SDK1: variants seen among roughly 807,000 people sequenced by gnomAD.
The protein encoded by SDK1 is sidekick cell adhesion molecule 1.
In SDK1, 157 loss-of-function variants were observed where a neutral mutation model predicts 245.5. That is an observed-to-expected ratio of 0.64 (90% CI 0.56 to 0.73). SDK1 has a LOEUF of 0.73. Ranked by LOEUF, SDK1 falls within the 30% of genes least tolerant of loss-of-function variation. The pLI is 0.00. For missense variants in SDK1, 3,583 were observed against 3,002.3 expected (o/e 1.19, Z -4.52); for synonymous variants, 1,647 against 1,278.5 (o/e 1.29, Z -6.15).
intron 32 of SDK1, among the ~76,000 whole-genome samples, chr7:4,164,726 G>C (rs1222036396): frequency 6.6e-6 from 1 of 152,200 alleles, no homozygotes; most frequent in Non-Finnish European, 1.5e-5. Context: ...CCAGTGGACG[G>C]TGCAGGGCTC....
At chr7:3,576,895 T>C (rs1194076519) in intron 1 of SDK1, among the ~76,000 whole-genome samples, 2 of 152,046 alleles carry the variant, frequency 1.3e-5, no homozygotes, top group Non-Finnish European at 2.9e-5. Flanking sequence ...ACCTGCCCTT[T>C]AGAGTAGCAG....
chr7:3,549,633 GT>G (rs897607446), intron 1 of SDK1, among the ~76,000 whole-genome samples: 1 of 151,920 alleles, frequency 6.6e-6, no homozygotes, highest in African/African-American at 2.4e-5. Flanking sequence ...AGCATGTTTT[GT>G]TTTTTTTCCC....
chr7:3,964,437 T>C (rs1300517752), intron 9 of SDK1, among the ~76,000 whole-genome samples: 4 of 152,268 alleles, frequency 2.6e-5, no homozygotes, highest in Non-Finnish European at 4.4e-5. Context: ...AGATCACTCC[T>C]AATCTTTTTC....
intron 41 of SDK1, among the ~76,000 whole-genome samples, chr7:4,234,947 G>C (rs918297478): frequency 1.3e-5 from 2 of 152,210 alleles, no homozygotes; most frequent in African/African-American, 2.4e-5. Context: ...GGAAGAAGCT[G>C]TTCCTCTCCT....
intron 4 of SDK1, among the ~76,000 whole-genome samples, chr7:3,771,089 C>G (rs916116992): frequency 6.6e-6 from 1 of 152,124 alleles, no homozygotes; most frequent in Admixed American, 6.6e-5. Context: ...CTCTGCTGAT[C>G]TGGACTGAGC....
intron 14 of SDK1, among the ~76,000 whole-genome samples, chr7:4,000,235 G>A (rs954544551): frequency 6.6e-6 from 1 of 152,230 alleles, no homozygotes; most frequent in African/African-American, 2.4e-5. Context: ...AGAGCATGCT[G>A]AGGCTGAGAT....
intron 5 of SDK1, among the ~76,000 whole-genome samples, chr7:3,824,778 A>AT (rs553187733): frequency 3.3e-5 from 5 of 151,878 alleles, no homozygotes; most frequent in South Asian, 2.1e-4. Context: ...TTAGATTTAA[A>AT]TTTTTTTTTA....
At chr7:4,126,131 C>T (rs80332778) in intron 25 of SDK1, among the ~76,000 whole-genome samples, 2,220 of 152,260 alleles carry the variant, frequency 0.015, 46 homozygotes, top group African/African-American at 0.051. Flanking sequence ...TGAAGTATGG[C>T]GGGATCTTCA....
At chr7:3,413,282 G>A (rs56138263) in intron 1 of SDK1, among the ~76,000 whole-genome samples, 15,142 of 152,180 alleles carry the variant, frequency 0.1, 952 homozygotes, top group African/African-American at 0.17. Flanking sequence ...ATGAGCAGAG[G>A]GGAGCAGGGC....
At chr7:3,425,423 A>G (rs1006970605) in intron 1 of SDK1, among the ~76,000 whole-genome samples, 2 of 152,196 alleles carry the variant, frequency 1.3e-5, no homozygotes, top group South Asian at 2.1e-4. Flanking sequence ...TTAAATTGTC[A>G]TCTTCCAATT....
intron 1 of SDK1, among the ~76,000 whole-genome samples, chr7:3,438,745 C>T (rs780564465): frequency 7.2e-5 from 11 of 152,118 alleles, no homozygotes; most frequent in Non-Finnish European, 1.5e-4. Flanking sequence ...TTGGAATCTT[C>T]TCCTTTCACT....
intron 1 of SDK1, among the ~76,000 whole-genome samples, chr7:3,360,310 C>T (rs552443585): frequency 6.6e-6 from 1 of 152,168 alleles, no homozygotes; most frequent in African/African-American, 2.4e-5. Context: ...GAATGAAGCT[C>T]TTAAGTTATC....
chr7:3,592,265 G>A (rs1447620588), intron 1 of SDK1, among the ~76,000 whole-genome samples: 1 of 152,094 alleles, frequency 6.6e-6, no homozygotes, highest in Non-Finnish European at 1.5e-5. Flanking sequence ...GCTATCTATC[G>A]TAAAAGATTA....
intron 4 of SDK1, among the ~76,000 whole-genome samples, chr7:3,726,403 C>A (rs1169424650): frequency 6.6e-6 from 1 of 152,240 alleles, no homozygotes; most frequent in East Asian, 1.9e-4. Context: ...GTAAGTATTT[C>A]TTTCTTACAG....
intron 1 of SDK1, among the ~76,000 whole-genome samples, chr7:3,366,787 G>A (rs1456280255): frequency 6.6e-6 from 1 of 152,030 alleles, no homozygotes; most frequent in Non-Finnish European, 1.5e-5. Context: ...CTGTCACCAG[G>A]TTGGAGTGCA....
In SDK1 at chr7:4,233,386, G is replaced by T; in HGVS notation, c.5959G>T (p.Gly1987Trp). ...GGTGGCTGTGAATGAGGCGGGCTAC[G>T]GGGAGCCCAGCAACCCCTCCACGGC... The part of the protein sequence containing the change: ...RVVAVNEAGY[G>W]EPSNPSTAVS... The change falls in exon 41 of 45, where the codon GGG (glycine) becomes TGG (tryptophan). Residue 1987 changes from glycine (G) to tryptophan (W), a missense_variant. Gly to Trp is a radical substitution (Grantham distance 184). Transcript: ENST00000404826. The T allele has an allele frequency of 6.2e-7, 1 of 1,613,288 alleles. No homozygotes were observed. The highest frequency in any genetic ancestry group is 8.5e-7 in the Non-Finnish European group (1 of 1,180,016).
rs147156169 is a variant in SDK1, at chr7:3,956,135, G to C, written c.1151-2796G>C. On this transcript the variant is annotated intron_variant, in intron 7 of 44. Coordinates refer to ENST00000404826, the MANE Select transcript of SDK1 (RefSeq NM_152744.4). ...TCAGGATCAATTTTCAGAAGTCCAG[G>C]GTGGACCCATGTTGGCAGAGTACCC... is the stretch of plus-strand genomic sequence containing the variant. Among the ~76,000 whole-genome samples the C allele has an allele frequency of 2.8e-3, 422 of 152,318 alleles. 1 individual carries two copies. Among genetic ancestry groups the C allele is most frequent in the Non-Finnish European group, 4.1e-3 (276 of 68,038 alleles).
chr7:4,231,937 A>C (rs1350694675), intron 40 of SDK1, among the ~76,000 whole-genome samples: 1 of 152,038 alleles, frequency 6.6e-6, no homozygotes, highest in Non-Finnish European at 1.5e-5. Context: ...GTTTTCCCTC[A>C]CCAGATTCCC....
intron 4 of SDK1, among the ~76,000 whole-genome samples, chr7:3,676,153 G>C (rs1365898251): frequency 6.6e-6 from 1 of 151,838 alleles, no homozygotes; most frequent in African/African-American, 2.4e-5. Context: ...TTTTTGTGGA[G>C]ACGGGGTCTC....
Sources: allele counts gnomAD v4.1 joint callset (sites outside exome capture counted in the v4.1 genomes callset), GRCh38; gene constraint gnomAD v4.1.1; transcripts MANE v1.5; gene names NCBI Gene and HGNC (gene_info 2026-07-23, HGNC 2026-07-21).